ASAP2: variants seen among roughly 807,000 people sequenced by gnomAD.
ASAP2 encodes the protein arf-GAP with SH3 domain, ANK repeat and PH domain-containing protein 2.
Under a neutral mutation model 131.4 loss-of-function variants are expected in ASAP2, and 45 were observed. The ratio of observed to expected loss-of-function variants is 0.34; its 90% CI spans 0.27 to 0.44. The LOEUF is 0.44. Among genes scored for constraint, ASAP2 ranks in the 20% least tolerant of loss-of-function variants. ASAP2 has a pLI of 1.00. For missense variants in ASAP2, 1,011 were observed against 1,297.0 expected, an observed-to-expected ratio of 0.78 and a Z score of 3.39; for synonymous variants, 510 against 503.0, an observed-to-expected ratio of 1.01 and a Z score of -0.19.
chr2:9,317,454 A>T (rs1249608380), intron 3 of ASAP2, among the ~76,000 whole-genome samples: 7 of 125,464 alleles, frequency 5.6e-5, no homozygotes, highest in Admixed American at 1.6e-4. Context: ...TCACACACAC[A>T]TGTGCATTCA....
At chr2:9,385,107 G>A (rs1018183785) in intron 20 of ASAP2, 138 bp from the exon 21 acceptor site, 3 of 630,474 alleles carry the variant, frequency 4.8e-6, no homozygotes, top group African/African-American at 3.7e-5. Context: ...GAGGGGCGGG[G>A]GCTTCACCTG....
chr2:9,243,985 A>G (rs1014037787), intron 1 of ASAP2, among the ~76,000 whole-genome samples: 2 of 152,222 alleles, frequency 1.3e-5, no homozygotes, highest in Non-Finnish European at 2.9e-5. Flanking sequence ...CATGATATGT[A>G]TATAAACTCA....
In ASAP2 at chr2:9,217,468, A is replaced by G. The variant is rs1004242237; in HGVS notation, c.126+10238A>G. Among the ~76,000 whole-genome samples the G allele has an allele frequency of 2.6e-5, 4 of 152,330 alleles. No homozygotes were observed. The highest frequency in any genetic ancestry group is 4.8e-5 in the African/African-American group (2 of 41,570). On this transcript the variant is annotated intron_variant, in intron 1 of 27. Transcript: ENST00000281419. This position sits in a 1 kb window ranked among gnomAD's most constrained non-coding sequence, Gnocchi z 4.0. ...CTCCATGCTGAAGATGGCTTTGTCAATAAAATCAGGCAGTTGATGAAGACA... is the reference window on the plus strand; with the variant it reads ...CTCCATGCTGAAGATGGCTTTGTCAGTAAAATCAGGCAGTTGATGAAGACA...
chr2:9,234,811 C>G (rs1275469710), intron 1 of ASAP2, among the ~76,000 whole-genome samples: 1 of 152,168 alleles, frequency 6.6e-6, no homozygotes, highest in African/African-American at 2.4e-5. Flanking sequence ...TCCGGCCTTG[C>G]GAATGCTTCA....
chr2:9,288,203 C>G (rs1036374373), intron 2 of ASAP2, among the ~76,000 whole-genome samples: 1 of 152,090 alleles, frequency 6.6e-6, no homozygotes, highest in African/African-American at 2.4e-5. Context: ...ACCTACCAAG[C>G]AAAAAAGCTC....
chr2:9,330,255 T>C (rs1185855129), intron 7 of ASAP2, among the ~76,000 whole-genome samples: 1 of 152,194 alleles, frequency 6.6e-6, no homozygotes, highest in East Asian at 1.9e-4. Context: ...AGTGAAATCA[T>C]GTCTTTTGCA....
chr2:9,350,627 T>TG (rs1319423968), intron 11 of ASAP2, 181 bp from the exon 12 acceptor site: 1 of 509,356 alleles, frequency 2.0e-6, no homozygotes, highest in African/African-American at 1.9e-5. Flanking sequence ...TCTGTGGAGA[T>TG]GAAGTTCAAA....
At chr2:9,277,529 A>T (rs552973198) in intron 1 of ASAP2, among the ~76,000 whole-genome samples, 2 of 152,232 alleles carry the variant, frequency 1.3e-5, no homozygotes, top group Admixed American at 6.5e-5. Flanking sequence ...TTAGTATGGC[A>T]GGAAAGAATG....
intron 24 of ASAP2, among the ~76,000 whole-genome samples, chr2:9,397,710 G>GA (rs1317485731): frequency 4.8e-5 from 6 of 124,600 alleles, no homozygotes; most frequent in South Asian, 5.0e-4. Flanking sequence ...AATTGGTTGG[G>GA]AAAAAAAAAT....
intron 2 of ASAP2, among the ~76,000 whole-genome samples, chr2:9,289,192 C>CGGA (rs1667645322): frequency 6.6e-6 from 1 of 152,190 alleles, no homozygotes; most frequent in Non-Finnish European, 1.5e-5. Context: ...GATGAAGTTC[C>CGGA]TCATCTCTGG....
intron 20 of ASAP2, among the ~76,000 whole-genome samples, 157 bp from the exon 21 acceptor site, chr2:9,385,088 A>C (rs1675163731): frequency 6.6e-6 from 1 of 152,234 alleles, no homozygotes. Context: ...TTACGCTGTG[A>C]AGTAGGCAGA....
intron 12 of ASAP2, among the ~76,000 whole-genome samples, chr2:9,355,569 A>G (rs1207762283): frequency 6.6e-6 from 1 of 151,996 alleles, no homozygotes; most frequent in Non-Finnish European, 1.5e-5. Context: ...TATTTAACAC[A>G]CTCCTCTTGA....
At position 9,388,330 on chromosome 2, in the gene ASAP2, T is replaced by C. The variant is rs774812740; in HGVS notation, c.2167T>C (p.Phe723Leu). ...CCGGCGGGAAGACCGGCCCATCAGCTTCTACCAGCTGGGCTCCAACCAGCT... is the reference window on the plus strand; with the variant it reads ...CCGGCGGGAAGACCGGCCCATCAGCCTCTACCAGCTGGGCTCCAACCAGCT... ...PNRREDRPIS[F>L]YQLGSNQLQS... is the part of the protein sequence containing the mutation. Residue 723 changes from phenylalanine (F) to leucine (L), a missense_variant, in exon 22 of 28, where the codon TTC becomes CTC. By Grantham distance (22) the Phe-to-Leu change is conservative. This residue lies in a region of ASAP2 where 652 missense variants were observed against 698.9 expected (regional missense o/e 0.93). Transcript: ENST00000281419. 6.2e-7 allele frequency: 1 copy of C among 1,614,152 alleles called. No individual in the cohort carries two copies. Among genetic ancestry groups the C allele is most frequent in the South Asian group, 1.1e-5 (1 of 91,064 alleles).
chr2:9,332,905 TAAAG>T (rs955561332), intron 7 of ASAP2, among the ~76,000 whole-genome samples: 1 of 152,164 alleles, frequency 6.6e-6, no homozygotes, highest in African/African-American at 2.4e-5. Flanking sequence ...GAGTATAAAA[TAAAG>T]AATGATGTGT....
At chr2:9,244,188 G>A (rs111447041) in intron 1 of ASAP2, among the ~76,000 whole-genome samples, 2 of 152,202 alleles carry the variant, frequency 1.3e-5, no homozygotes, top group Non-Finnish European at 2.9e-5. Context: ...CTGAGCTACT[G>A]GGGAGGCTGA....
chr2:9,280,671 A>T (rs1056897950), intron 2 of ASAP2, among the ~76,000 whole-genome samples: 1 of 152,184 alleles, frequency 6.6e-6, no homozygotes, highest in Admixed American at 6.5e-5. Context: ...TGATCTGAAG[A>T]TTCACCCCAA....
chr2:9,369,312 C>T (rs1428862963), intron 16 of ASAP2, among the ~76,000 whole-genome samples: 1 of 152,168 alleles, frequency 6.6e-6, no homozygotes, highest in Admixed American at 6.5e-5. Flanking sequence ...AGGCACCGTG[C>T]CTGGCCAGCG....
Position 9,404,733 on chromosome 2 carries a change from TAG to T in ASAP2, c.*1409_*1410del, listed in dbSNP as rs1426917355. On this transcript the variant is annotated 3_prime_UTR_variant, in exon 28 of 28. Transcript: ENST00000281419. ...CTTGTCTTTATTATGCAAGACTGTG[TAG>T]AGTTTTTTTTTTTTTTGGCATTGTA... The T allele has an allele frequency of 4.3e-5, 6 of 140,970 alleles. No homozygotes were observed. The highest frequency in any genetic ancestry group is 6.3e-5 in the African/African-American group (2 of 31,628). 8.7% of individuals were successfully genotyped at this position (140,970 alleles called of 1,614,324 possible).
chr2:9,209,164 A>G (rs986449032), intron 1 of ASAP2, among the ~76,000 whole-genome samples: 4 of 152,248 alleles, frequency 2.6e-5, no homozygotes, highest in African/African-American at 4.8e-5. Flanking sequence ...GTCTAAGCCC[A>G]AGAATTGGTT....
Sources: allele counts gnomAD v4.1 joint callset (sites outside exome capture counted in the v4.1 genomes callset), GRCh38; gene constraint gnomAD v4.1.1; regional missense constraint gnomAD v4.1.1; non-coding constraint Gnocchi (gnomAD v3.1); transcripts MANE v1.5; gene names NCBI Gene and HGNC (gene_info 2026-07-23, HGNC 2026-07-21).